The following NR3C1 variants were observed in gnomAD, a reference collection of about 807,000 sequenced individuals.
The protein encoded by NR3C1 is nuclear receptor subfamily 3 group C member 1.
Under a neutral mutation model 74.0 loss-of-function variants are expected in NR3C1, and 14 were observed. The observed-to-expected ratio is 0.19, with a 90% confidence interval of 0.12 to 0.30. The LOEUF is 0.30. NR3C1 is among the 10% of genes least tolerant of loss of function. The pLI, the probability that NR3C1 is intolerant of heterozygous loss-of-function variation, is 1.00. For missense variants in NR3C1, 695 were observed against 909.8 expected (o/e 0.76, Z 3.04); for synonymous variants, 308 against 332.5 (o/e 0.93, Z 0.80).
chr5:143,393,117 G>C lies in NR3C1; in HGVS notation c.1184+6539C>G, dbSNP rs1197279093. ...TAGAAAACAAGCTCTGAGAACCCAA[G>C]AGCCCCACCTCTCGGGTGCTAACAG... On this transcript the variant is annotated intron_variant, in intron 2 of 8. Transcript: ENST00000394464. 2.0e-5 allele frequency among the ~76,000 whole-genome samples: 3 copies of C among 152,074 alleles called. No homozygotes were observed. The South Asian group carries it at 6.2e-4, about 31-fold the overall frequency.
At position 143,299,434 on chromosome 5, in the gene NR3C1, C is replaced by T. The variant is rs2918420; in HGVS notation, c.1748-622G>A. ...AAAATAGCCAAAATTCTTGGCTTGG[C>T]GGTTACCAGTGACCGGGAAAGATAG... On this transcript the variant is annotated intron_variant, in intron 5 of 8. Coordinates refer to ENST00000394464, the MANE Select transcript of NR3C1 (RefSeq NM_000176.3). Among the ~76,000 whole-genome samples the T allele has an allele frequency of 5.4e-3, 820 of 151,168 alleles. 12 individuals are homozygous for T. The highest frequency in any genetic ancestry group is 0.019 in the African/African-American group (791 of 41,086).
intron 4 of NR3C1, among the ~76,000 whole-genome samples, chr5:143,309,698 G>A (rs990372519): frequency 5.3e-5 from 8 of 151,954 alleles, no homozygotes; most frequent in Admixed American, 2.0e-4. Flanking sequence ...TAAAAGGTAT[G>A]CTTTTAAAAG....
chr5:143,310,703 G>A (rs1820728341), intron 3 of NR3C1, among the ~76,000 whole-genome samples: 1 of 151,988 alleles, frequency 6.6e-6, no homozygotes, highest in Non-Finnish European at 1.5e-5. Context: ...GCCCAGGCTG[G>A]GAGTGTAGTA....
intron 2 of NR3C1, among the ~76,000 whole-genome samples, chr5:143,341,572 GAA>G (rs771264657): frequency 1.1e-4 from 16 of 152,176 alleles, no homozygotes; most frequent in Non-Finnish European, 1.8e-4. Context: ...CACAAGAAGA[GAA>G]GTCTTCTAAC....
chr5:143,300,737 C>T lies in NR3C1; in HGVS notation c.1495G>A (p.Gly499Arg). Residue 499 changes from glycine to arginine, a missense_variant, in exon 5 of 9, where the codon GGA becomes AGA. Gly to Arg is a moderately radical substitution (Grantham distance 125). Around this residue, in one of 4 missense-constraint regions of NR3C1, gnomAD observed 42 missense variants for 49.3 expected, o/e 0.85. Coordinates refer to ENST00000394464, the MANE Select transcript of NR3C1 (RefSeq NM_000176.3). This position sits in a 1 kb window ranked among gnomAD's most constrained non-coding sequence, Gnocchi z 5.2. ...ACTCCTGTAGTGGCCTGCTGAATTC[C>T]TTTTATTTTTTTCTTTGTTTTTCGA... is the stretch of plus-strand genomic sequence containing the variant. ...EARKTKKKIK[G>R]IQQATTGVSQ... is the part of the protein sequence containing the mutation. 2 of 1,613,574 alleles carry T rather than the reference C, an allele frequency of 1.2e-6. No homozygotes were observed. The highest frequency in any genetic ancestry group is 1.7e-6 in the Non-Finnish European group (2 of 1,179,830).
chr5:143,416,439 C>T (rs1282705929), intron 1 of NR3C1, among the ~76,000 whole-genome samples: 3 of 151,666 alleles, frequency 2.0e-5, no homozygotes, highest in Non-Finnish European at 4.4e-5. Context: ...CACTTAGAGA[C>T]TCCATTGGAT....
intron 1 of NR3C1, among the ~76,000 whole-genome samples, chr5:143,431,327 T>C (rs1308296008): frequency 6.6e-6 from 1 of 152,154 alleles, no homozygotes; most frequent in Non-Finnish European, 1.5e-5. Context: ...TGTTCCCAGA[T>C]GGAGAACAGA....
intron 7 of NR3C1, chr5:143,293,894 T>C (rs1490710031): frequency 1.0e-6 from 1 of 982,318 alleles, no homozygotes; most frequent in African/African-American, 1.8e-5. Context: ...CAAGTAAAGT[T>C]GTTAGTATCC....
At chr5:143,371,945 A>G (rs970534959) in intron 2 of NR3C1, among the ~76,000 whole-genome samples, 1 of 152,200 alleles carries the variant, frequency 6.6e-6, no homozygotes, top group Non-Finnish European at 1.5e-5. Flanking sequence ...TTTAACACTA[A>G]AAGAGTAGTC....
At chr5:143,424,217 A>G (rs1272596723) in intron 1 of NR3C1, among the ~76,000 whole-genome samples, 1 of 117,638 alleles carries the variant, frequency 8.5e-6, no homozygotes, top group African/African-American at 4.2e-5. Context: ...TATAATAATA[A>G]TAAATAAAAT....
intron 2 of NR3C1, among the ~76,000 whole-genome samples, chr5:143,393,420 C>A (rs1015928347): frequency 1.3e-5 from 2 of 152,020 alleles, no homozygotes; most frequent in African/African-American, 4.8e-5. Flanking sequence ...TCCAAAGTAC[C>A]TAGTTGGAGG....
intron 2 of NR3C1, among the ~76,000 whole-genome samples, chr5:143,382,980 G>A (rs951069205): frequency 2.6e-5 from 4 of 152,198 alleles, no homozygotes; most frequent in African/African-American, 9.7e-5. Flanking sequence ...TCTCAGGTAA[G>A]GTCTGCCTGT....
At chr5:143,306,044 A>G (rs1819530872) in intron 4 of NR3C1, among the ~76,000 whole-genome samples, 1 of 152,250 alleles carries the variant, frequency 6.6e-6, no homozygotes, top group South Asian at 2.1e-4. Flanking sequence ...TGATTACAAT[A>G]TATCTTAAAA....
chr5:143,332,569 TAA>T, intron 2 of NR3C1: 1 of 906,208 alleles, frequency 1.1e-6, no homozygotes, highest in Non-Finnish European at 1.7e-6. Context: ...AAATTATAAT[TAA>T]AAAAAGAATT....
At chr5:143,325,777 C>T (rs1162451637) in intron 2 of NR3C1, among the ~76,000 whole-genome samples, 3 of 152,036 alleles carry the variant, frequency 2.0e-5, no homozygotes, top group Non-Finnish European at 4.4e-5. Context: ...AACCTATCCT[C>T]CATGAATAAG....
At chr5:143,384,721 C>G (rs2151897480) in intron 2 of NR3C1, among the ~76,000 whole-genome samples, 1 of 152,332 alleles carries the variant, frequency 6.6e-6, no homozygotes, top group African/African-American at 2.4e-5. Flanking sequence ...GCCCTGGTGG[C>G]TCTGCTGGGT....
intron 2 of NR3C1, among the ~76,000 whole-genome samples, chr5:143,371,547 A>G (rs1424189545): frequency 6.6e-6 from 1 of 152,220 alleles, no homozygotes; most frequent in Non-Finnish European, 1.5e-5. Context: ...AACTGCAGCC[A>G]TGGTGATCAG....
chr5:143,390,565 A>G (rs191272611), intron 2 of NR3C1, among the ~76,000 whole-genome samples: 2 of 152,314 alleles, frequency 1.3e-5, no homozygotes, highest in East Asian at 3.9e-4. Context: ...AATAGTCTCT[A>G]TTACTTCATT....
intron 2 of NR3C1, among the ~76,000 whole-genome samples, chr5:143,385,841 C>A (rs1417555643): frequency 6.6e-6 from 1 of 152,208 alleles, no homozygotes; most frequent in African/African-American, 2.4e-5. Flanking sequence ...ACTGTTGCAA[C>A]CTCTGCCCAT....
Sources: allele counts gnomAD v4.1 joint callset (sites outside exome capture counted in the v4.1 genomes callset), GRCh38; gene constraint gnomAD v4.1.1; regional missense constraint gnomAD v4.1.1; non-coding constraint Gnocchi (gnomAD v3.1); transcripts MANE v1.5; gene names NCBI Gene and HGNC (gene_info 2026-07-23, HGNC 2026-07-21).